Variants in ZBED6 observed in about 807,000 individuals in gnomAD.
ZBED6 encodes the protein zinc finger BED-type containing 6, also known as zinc finger BED domain-containing protein 6.
Under a neutral mutation model 58.4 loss-of-function variants are expected in ZBED6, and 40 were observed. The observed-to-expected ratio is 0.68, with a 90% CI of 0.53 to 0.89. The LOEUF is 0.89. Among genes scored for constraint, ZBED6 ranks in the 40% least tolerant of loss-of-function variants. ZBED6 has a pLI of 0.00. For synonymous variants in ZBED6, 439 were observed against 350.6 expected, an observed-to-expected ratio of 1.25 and a Z score of -2.82; for missense variants, 1,057 against 1,003.9, an observed-to-expected ratio of 1.05 and a Z score of -0.71.
At chr1:203,841,012 T>A (rs781158172) in intron 11 of ZBED6, among the ~76,000 whole-genome samples, 1 of 151,744 alleles carries the variant, frequency 6.6e-6, no homozygotes, top group African/African-American at 2.4e-5. Flanking sequence ...TGTGCTAAAA[T>A]AATTGCTGTC....
rs12085020 is a variant in ZBED6 at position 203,848,480 on chromosome 1, A to G, written c.*4322+73A>G. 144,078 of 1,129,784 alleles carry G rather than the reference A, an allele frequency of 0.13. 10,180 individuals carry two copies. The highest frequency in any genetic ancestry group is 0.14 in the Non-Finnish European group (105,651 of 774,392). 70.0% of individuals were successfully genotyped at this position (1,129,784 alleles called of 1,614,324 possible). The stretch of plus-strand genomic sequence containing the variant: ...AGATAATTGGTAGTTTTACCTTACA[A>G]TAAATTTCTAAGTACTTCATTCATA... On this transcript the variant is annotated intron_variant, in intron 13 of 16. Coordinates refer to ENST00000550078, the Ensembl canonical transcript of ZBED6.
At chr1:203,841,480 A>G (rs1159712621) in intron 11 of ZBED6, among the ~76,000 whole-genome samples, 4 of 152,238 alleles carry the variant, frequency 2.6e-5, no homozygotes, top group Admixed American at 6.5e-5. Flanking sequence ...GAGTAAAGTT[A>G]TAGATTAACA....
exon 1 of ZBED6, chr1:203,796,181 C>G (rs1668421997): frequency 2.7e-6 from 1 of 370,394 alleles, no homozygotes; most frequent in Non-Finnish European, 4.8e-6. Flanking sequence ...AGAACTGACA[C>G]TAGATTGCTT....
chr1:203,833,660 T>C (rs1270627573), intron 8 of ZBED6, 131 bp from the exon 9 acceptor site: 2 of 536,764 alleles, frequency 3.7e-6, no homozygotes, highest in Admixed American at 7.5e-5. Context: ...TCCTTAAGAC[T>C]GAGACCTGAT....
At chr1:203,805,589 T>C (rs763565431) in intron 1 of ZBED6, 3 of 626,326 alleles carry the variant, frequency 4.8e-6, no homozygotes, top group South Asian at 2.7e-5. Flanking sequence ...TCCCATAATA[T>C]GTTTTACATG....
chr1:203,828,554 G>C, intron 4 of ZBED6, 132 bp downstream of exon 4: 1 of 1,143,086 alleles, frequency 8.7e-7, no homozygotes, highest in South Asian at 1.6e-5. Context: ...TTACAGATAA[G>C]TGAACTGAAT....
At chr1:203,841,069 T>C (rs548431341) in intron 11 of ZBED6, among the ~76,000 whole-genome samples, 1 of 152,244 alleles carries the variant, frequency 6.6e-6, no homozygotes, top group Admixed American at 6.5e-5. Flanking sequence ...TCAACTTGCA[T>C]TGTATCAAGT....
At chr1:203,823,666 CT>C (rs907923630) in intron 3 of ZBED6, among the ~76,000 whole-genome samples, 2 of 152,206 alleles carry the variant, frequency 1.3e-5, no homozygotes, top group African/African-American at 4.8e-5. Flanking sequence ...TATGCTAACT[CT>C]TTTCTGCACT....
intron 1 of ZBED6, chr1:203,814,871 T>TC (rs377299226): frequency 2.0e-5 from 3 of 152,328 alleles, no homozygotes; most frequent in African/African-American, 7.2e-5. Flanking sequence ...CACTCTGTTG[T>TC]CCAGGATGGA....
chr1:203,805,837 T>A, intron 1 of ZBED6: 1 of 905,704 alleles, frequency 1.1e-6, no homozygotes, highest in Non-Finnish European at 1.8e-6. Context: ...CAGTGCTTCT[T>A]GGATTTCATT....
intron 11 of ZBED6, among the ~76,000 whole-genome samples, chr1:203,843,468 A>G (rs991620637): frequency 6.6e-6 from 1 of 152,130 alleles, no homozygotes; most frequent in Non-Finnish European, 1.5e-5. Context: ...GTTTTTGGCT[A>G]ACCTTCTGTG....
chr1:203,799,497 T>C (rs1669851572), exon 1 of ZBED6: 1 of 703,080 alleles, frequency 1.4e-6, no homozygotes, highest in Non-Finnish European at 2.6e-6. Flanking sequence ...AAAATGGCTC[T>C]TGGAGCATTG....
At chr1:203,822,125 A>T (rs35161192) in intron 3 of ZBED6, among the ~76,000 whole-genome samples, 3 of 152,096 alleles carry the variant, frequency 2.0e-5, no homozygotes, top group Non-Finnish European at 2.9e-5. Context: ...CAGTTCATCA[A>T]TGCCACAGGA....
At chr1:203,845,185 G>A (rs1278150377) in intron 11 of ZBED6, among the ~76,000 whole-genome samples, 1 of 152,082 alleles carries the variant, frequency 6.6e-6, no homozygotes, top group African/African-American at 2.4e-5. Flanking sequence ...AATTCTTCAA[G>A]ATGTATGCTC....
chr1:203,808,822 T>C (rs567924712), intron 1 of ZBED6, among the ~76,000 whole-genome samples: 221 of 152,198 alleles, frequency 1.5e-3, no homozygotes, highest in African/African-American at 5.1e-3. Flanking sequence ...TTCATTATTA[T>C]CATTATTTTA....
At chr1:203,821,462 T>C (rs140406875) in intron 3 of ZBED6, among the ~76,000 whole-genome samples, 4 of 152,316 alleles carry the variant, frequency 2.6e-5, no homozygotes, top group Non-Finnish European at 5.9e-5. Context: ...ATTTGGCAAG[T>C]AGGAGCCTTT....
At chr1:203,816,730 C>T (rs919269270) in intron 1 of ZBED6, among the ~76,000 whole-genome samples, 196 bp from the exon 2 acceptor site, 4 of 152,108 alleles carry the variant, frequency 2.6e-5, no homozygotes, top group Admixed American at 2.6e-4. Context: ...AAAAGAAGGG[C>T]ATGGCCTTTC....
intron 4 of ZBED6, 134 bp from the exon 5 acceptor site, chr1:203,829,317 G>A (rs1241613913): frequency 1.2e-6 from 1 of 864,098 alleles, no homozygotes; most frequent in Non-Finnish European, 1.8e-6. Context: ...TGGGACTTTA[G>A]AACTTAAATG....
chr1:203,816,821 G>A (rs1025812618), intron 1 of ZBED6, 105 bp from the exon 2 acceptor site: 1 of 416,634 alleles, frequency 2.4e-6, no homozygotes, highest in Middle Eastern at 6.6e-4. Flanking sequence ...AAGCAAGGTC[G>A]TATTAATAAA....
Sources: allele counts gnomAD v4.1 joint callset (sites outside exome capture counted in the v4.1 genomes callset), GRCh38; gene constraint gnomAD v4.1.1; transcripts MANE v1.5; gene names NCBI Gene and HGNC (gene_info 2026-07-23, HGNC 2026-07-21).